LAMA2: variants seen among roughly 807,000 people sequenced by gnomAD.
LAMA2 encodes laminin subunit alpha-2.
A neutral mutation model predicts 364.8 loss-of-function variants in LAMA2; 269 were observed. The observed-to-expected ratio is 0.74, with a 90% CI of 0.67 to 0.82. LAMA2 has a LOEUF of 0.82. LAMA2 is among the 40% of genes least tolerant of loss of function. The pLI, the probability that LAMA2 is intolerant of heterozygous loss-of-function variation, is 0.00. For missense variants in LAMA2, 3,807 were observed against 3,873.2 expected, an observed-to-expected ratio of 0.98 and a Z score of 0.45; for synonymous variants, 1,379 against 1,370.6, an observed-to-expected ratio of 1.01 and a Z score of -0.14.
chr6:129,062,897 T>C (rs1450818705), intron 3 of LAMA2, among the ~76,000 whole-genome samples: 1 of 147,794 alleles, frequency 6.8e-6, no homozygotes, highest in Non-Finnish European at 1.5e-5. Context: ...ATTAAATCAC[T>C]ATAGATTACA....
chr6:129,305,637 CAGAG>C (rs1034453954), intron 22 of LAMA2, among the ~76,000 whole-genome samples: 3 of 151,598 alleles, frequency 2.0e-5, no homozygotes, highest in African/African-American at 2.4e-5. Context: ...GAGAGAGAGA[CAGAG>C]AGAGAGAGTG....
chr6:129,306,331 T>G (rs1773867381), intron 22 of LAMA2, among the ~76,000 whole-genome samples: 1 of 145,808 alleles, frequency 6.9e-6, no homozygotes, highest in Non-Finnish European at 1.5e-5. Flanking sequence ...TTTTTTTTTT[T>G]TTGTTCCAGA....
intron 4 of LAMA2, among the ~76,000 whole-genome samples, chr6:129,119,374 G>T (rs979281437): frequency 6.6e-6 from 1 of 151,864 alleles, no homozygotes; most frequent in African/African-American, 2.4e-5. Flanking sequence ...TCCACTGACG[G>T]TCCTTCAGGT....
intron 1 of LAMA2, chr6:128,905,454 G>C (rs1777380745): frequency 6.6e-6 from 1 of 151,972 alleles, no homozygotes; most frequent in Non-Finnish European, 1.5e-5. Flanking sequence ...AACTGTTCTT[G>C]AGATCCCGGA....
chr6:129,008,805 GATAGA>G (rs1784586931), intron 1 of LAMA2, among the ~76,000 whole-genome samples: 1 of 152,084 alleles, frequency 6.6e-6, no homozygotes, highest in African/African-American at 2.4e-5. Flanking sequence ...TTACTTTTTG[GATAGA>G]ATCAGTTGCA....
At chr6:129,192,372 A>G (rs139750229) in intron 11 of LAMA2, among the ~76,000 whole-genome samples, 186 of 152,310 alleles carry the variant, frequency 1.2e-3, no homozygotes, top group African/African-American at 4.4e-3. Flanking sequence ...GTGAATTTCT[A>G]TTTTTAAGAA....
intron 16 of LAMA2, among the ~76,000 whole-genome samples, chr6:129,268,025 A>T (rs1459312034): frequency 6.6e-6 from 1 of 152,144 alleles, no homozygotes; most frequent in East Asian, 1.9e-4. Context: ...GAAGAATTTA[A>T]GGCGGATTCT....
chr6:128,915,817 C>T (rs1778277935), intron 1 of LAMA2, among the ~76,000 whole-genome samples: 1 of 152,032 alleles, frequency 6.6e-6, no homozygotes, highest in South Asian at 2.1e-4. Flanking sequence ...AAATCCAAGT[C>T]TTTATAGTTG....
chr6:129,221,072 G>A (rs966890333), intron 12 of LAMA2, among the ~76,000 whole-genome samples: 1 of 151,314 alleles, frequency 6.6e-6, no homozygotes, highest in African/African-American at 2.4e-5. Flanking sequence ...TGAGGCAGGA[G>A]AATCGCTTGA....
chr6:129,156,818 T>C (rs1462246586), intron 8 of LAMA2, among the ~76,000 whole-genome samples: 3 of 152,192 alleles, frequency 2.0e-5, no homozygotes, highest in Non-Finnish European at 2.9e-5. Flanking sequence ...ATAAAGCTGG[T>C]GGGGAAGCTA....
Position 129,260,824 on chromosome 6 carries a change from T to C in LAMA2, c.2208+2T>C, listed in dbSNP as rs752845230. On this transcript the variant is annotated splice_donor_variant, in intron 15 of 64. Transcript: ENST00000421865. LOFTEE classifies it high-confidence loss of function. ...GGGTATACTGGCTCCTCTTGTGAAG[T>C]AAGCTTGCAAGAATGTATCCTTAGT... is the stretch of plus-strand genomic sequence containing the variant. 1 of 1,555,196 alleles carries C rather than the reference T, an allele frequency of 6.4e-7. No homozygotes were observed. The highest frequency in any genetic ancestry group is 1.1e-5 in the South Asian group (1 of 89,912).
chr6:128,979,791 C>T (rs1458479474), intron 1 of LAMA2, among the ~76,000 whole-genome samples: 1 of 152,180 alleles, frequency 6.6e-6, no homozygotes, highest in Non-Finnish European at 1.5e-5. Flanking sequence ...CAAAGCTTAA[C>T]AGACTAAGGT....
intron 1 of LAMA2, among the ~76,000 whole-genome samples, chr6:129,035,528 A>ATTTTTTTTTTTTTT (rs143564398): frequency 7.5e-6 from 1 of 133,470 alleles, no homozygotes; most frequent in African/African-American, 2.8e-5. Flanking sequence ...CCATTTGTTC[A>ATTTTTTTTTTTTTT]TTTTTTTTTT....
Position 129,505,223 on chromosome 6 carries a change from A to G in LAMA2, c.8571A>G (p.Gln2857=), listed in dbSNP as rs188733817. ...WHKIKIMRSK[Q]EGILYVDGAS... The stretch of plus-strand genomic sequence containing the variant: ...AGATTAAGATAATGAGAAGTAAGCA[A>G]GAAGGAATTCTTTATGTAGATGGGG... Residue 2857 remains glutamine, a synonymous_variant, in exon 61 of 65, where the codon CAA becomes CAG. Transcript: ENST00000421865. 6 of 1,613,966 alleles carry G rather than the reference A, an allele frequency of 3.7e-6. No homozygotes were observed. The Admixed American group carries it at 1.0e-4, about 27-fold the overall frequency.
chr6:129,151,281 C>T (rs1439521146), intron 7 of LAMA2, among the ~76,000 whole-genome samples: 2 of 152,206 alleles, frequency 1.3e-5, no homozygotes, highest in African/African-American at 2.4e-5. Flanking sequence ...CTTGACAACA[C>T]GAATTCTAAA....
chr6:129,155,470 A>G (rs1401340217), intron 8 of LAMA2, among the ~76,000 whole-genome samples: 1 of 152,044 alleles, frequency 6.6e-6, no homozygotes, highest in Non-Finnish European at 1.5e-5. Flanking sequence ...TTTAATTTTA[A>G]TCGTAAGGGC....
At chr6:129,206,215 A>T (rs927167523) in intron 12 of LAMA2, among the ~76,000 whole-genome samples, 1 of 152,072 alleles carries the variant, frequency 6.6e-6, no homozygotes, top group African/African-American at 2.4e-5. Context: ...TATATGTATG[A>T]CTACTATTTG....
intron 37 of LAMA2, among the ~76,000 whole-genome samples, chr6:129,398,538 C>T (rs142490269): frequency 1.0e-4 from 14 of 136,492 alleles, no homozygotes; most frequent in African/African-American, 3.7e-4. Flanking sequence ...TGCAATGGTG[C>T]AATCTTGGCT....
chr6:129,214,907 T>G (rs1387890006), intron 12 of LAMA2, among the ~76,000 whole-genome samples: 5 of 152,200 alleles, frequency 3.3e-5, no homozygotes, highest in African/African-American at 9.6e-5. Context: ...TTTATGGACA[T>G]GGAATACCTC....
Sources: allele counts gnomAD v4.1 joint callset (sites outside exome capture counted in the v4.1 genomes callset), GRCh38; gene constraint gnomAD v4.1.1; transcripts MANE v1.5; gene names NCBI Gene and HGNC (gene_info 2026-07-23, HGNC 2026-07-21).